HRH4: variants seen among roughly 807,000 people sequenced by gnomAD.
HRH4 encodes histamine H4 receptor.
In HRH4, 12 loss-of-function variants were observed where a neutral mutation model predicts 10.4. The observed-to-expected ratio is 1.15, with a 90% CI of 0.74 to 1.87. The LOEUF is 1.87. HRH4 is among the 40% of genes most tolerant of loss of function. The pLI, the probability that HRH4 is intolerant of heterozygous loss-of-function variation, is 0.00. For missense variants in HRH4, 415 were observed against 453.3 expected (o/e 0.92, Z 0.77); for synonymous variants, 154 against 166.6 (o/e 0.92, Z 0.58).
chr18:24,463,787 A>C (rs1047154543), intron 1 of HRH4, among the ~76,000 whole-genome samples: 1 of 152,236 alleles, frequency 6.6e-6, no homozygotes, highest in Non-Finnish European at 1.5e-5. Flanking sequence ...TTGAGAGCAA[A>C]GATTTATTGA....
intron 1 of HRH4, among the ~76,000 whole-genome samples, chr18:24,463,375 G>A (rs149766921): frequency 1.1e-4 from 17 of 152,260 alleles, no homozygotes; most frequent in Middle Eastern, 3.4e-3. Flanking sequence ...TCATCCAGAG[G>A]TCTGCATATT....
rs545397769 is a variant in HRH4 at position 24,474,667 on chromosome 18, G to C, written c.358-2080G>C. On this transcript the variant is annotated intron_variant, in intron 2 of 2. Coordinates refer to ENST00000256906, the MANE Select transcript of HRH4 (RefSeq NM_021624.4). ...GAAATTAAAGAAACATGGAACATGA[G>C]AGCTGAAAGGAACCTTGGAACCTTA... Among the ~76,000 whole-genome samples the C allele has an allele frequency of 2.0e-5, 3 of 149,574 alleles. No individual in the cohort carries two copies. In the South Asian group the frequency reaches 6.4e-4, roughly 32 times the overall value.
rs542001417 is a variant in HRH4 at position 24,461,232 on chromosome 18, A to G, written c.193+311A>G. The stretch of plus-strand genomic sequence containing the variant: ...TTGTTTCTGGTGCTATTTTCCTCAT[A>G]TGTTTAGGCTTATAAGTATTCCTCT... On this transcript the variant is annotated intron_variant, in intron 1 of 2. Transcript: ENST00000256906. Among the ~76,000 whole-genome samples, 3 of 152,242 alleles carry G rather than the reference A, an allele frequency of 2.0e-5. No homozygotes were observed. The South Asian group carries it at 6.2e-4, about 32-fold the overall frequency.
At chr18:24,475,638 G>GAACA (rs1000704422) in intron 2 of HRH4, among the ~76,000 whole-genome samples, 2 of 152,026 alleles carry the variant, frequency 1.3e-5, no homozygotes, top group African/African-American at 4.8e-5. Flanking sequence ...ACAAACAAAT[G>GAACA]AACAAACAAA....
At chr18:24,463,429 A>G (rs973475575) in intron 1 of HRH4, among the ~76,000 whole-genome samples, 10 of 152,302 alleles carry the variant, frequency 6.6e-5, no homozygotes, top group African/African-American at 2.4e-4. Flanking sequence ...AGCTTTTTGT[A>G]ACAGGATTCA....
chr18:24,476,613 G>A (rs556136067), intron 2 of HRH4, 134 bp from the exon 3 acceptor site: 3 of 676,240 alleles, frequency 4.4e-6, no homozygotes, highest in Non-Finnish European at 7.6e-6. Flanking sequence ...CTCTGTCCTG[G>A]TCCACATCGT....
intron 2 of HRH4, among the ~76,000 whole-genome samples, chr18:24,473,110 G>A (rs1012786884): frequency 2.6e-5 from 4 of 151,794 alleles, no homozygotes; most frequent in Non-Finnish European, 5.9e-5. Flanking sequence ...AGCCAAGATC[G>A]CACCACTGCA....
chr18:24,466,282 T>C (rs976801773), intron 1 of HRH4, among the ~76,000 whole-genome samples: 1 of 84,026 alleles, frequency 1.2e-5, no homozygotes, highest in Non-Finnish European at 2.3e-5. Flanking sequence ...CCAGCTAATT[T>C]TTGTATTTTT....
chr18:24,475,476 T>G (rs994339494), intron 2 of HRH4, among the ~76,000 whole-genome samples: 6 of 151,996 alleles, frequency 3.9e-5, no homozygotes, highest in African/African-American at 1.2e-4. Context: ...ACAAAAAAAT[T>G]TAGCTGGGTG....
chr18:24,463,941 TC>T (rs1452394780), intron 1 of HRH4, among the ~76,000 whole-genome samples: 4 of 152,212 alleles, frequency 2.6e-5, no homozygotes, highest in African/African-American at 9.6e-5. Context: ...GTGGGTACTT[TC>T]TTCTCATCCC....
chr18:24,474,656 A>G (rs1259229490), intron 2 of HRH4, among the ~76,000 whole-genome samples: 3 of 151,558 alleles, frequency 2.0e-5, no homozygotes, highest in Non-Finnish European at 4.4e-5. Context: ...TTAAAGAAAC[A>G]TGGAACATGA....
At chr18:24,471,850 C>G (rs1909977388) in intron 2 of HRH4, among the ~76,000 whole-genome samples, 1 of 151,952 alleles carries the variant, frequency 6.6e-6, no homozygotes, top group Admixed American at 6.6e-5. Flanking sequence ...TCTGGGTTAA[C>G]ATTTCTTTTT....
intron 1 of HRH4, 114 bp from the exon 2 acceptor site, chr18:24,468,674 C>A: frequency 1.0e-6 from 1 of 983,936 alleles, no homozygotes; most frequent in Non-Finnish European, 1.5e-6. Context: ...AAATTAGAGA[C>A]AAATCATTTG....
At chr18:24,473,178 T>C (rs910685892) in intron 2 of HRH4, among the ~76,000 whole-genome samples, 1 of 151,770 alleles carries the variant, frequency 6.6e-6, no homozygotes, top group African/African-American at 2.4e-5. Flanking sequence ...CAAAAAAGTA[T>C]ACAGAATTAA....
In HRH4 at chr18:24,476,794, G is replaced by A; in HGVS notation, c.405G>A (p.Leu135=). Residue 135 remains leucine, a synonymous_variant, in exon 3 of 3, where the codon CTG becomes CTA. Coordinates refer to ENST00000256906, the MANE Select transcript of HRH4 (RefSeq NM_021624.4). ...CTGGGGTCTTGAAGATTGTTACTCT[G>A]ATGGTGGCCGTTTGGGTGCTGGCCT... ...QHTGVLKIVT[L]MVAVWVLAFL... 2 of 1,614,212 alleles carry A rather than the reference G, an allele frequency of 1.2e-6. No individual in the cohort carries two copies. Among genetic ancestry groups the A allele is most frequent in the South Asian group, 2.2e-5 (2 of 91,078 alleles).
At chr18:24,462,136 G>C (rs1490470290) in intron 1 of HRH4, among the ~76,000 whole-genome samples, 1 of 152,202 alleles carries the variant, frequency 6.6e-6, no homozygotes, top group East Asian at 1.9e-4. Flanking sequence ...TTTGCTCCAA[G>C]AATGAGCAAA....
intron 2 of HRH4, among the ~76,000 whole-genome samples, chr18:24,469,597 T>C (rs1373077590): frequency 1.4e-4 from 22 of 152,144 alleles, no homozygotes; most frequent in Non-Finnish European, 1.9e-4. Context: ...AAGGGGGCCA[T>C]AGAAATGTGG....
At chr18:24,476,714 T>G (rs1464382013) in intron 2 of HRH4, 33 bp from the exon 3 acceptor site, 2 of 1,478,390 alleles carry the variant, frequency 1.4e-6, no homozygotes, top group Non-Finnish European at 1.9e-6. Flanking sequence ...ACATACACAT[T>G]CATTATATTG....
chr18:24,471,781 G>A lies in HRH4; in HGVS notation c.357+2830G>A, dbSNP rs142654733. Among the ~76,000 whole-genome samples the A allele has an allele frequency of 7.7e-4, 117 of 152,174 alleles. No individual in the cohort carries two copies. The East Asian group carries it at 0.02, about 27-fold the overall frequency. On this transcript the variant is annotated intron_variant, in intron 2 of 2. Coordinates refer to ENST00000256906, the MANE Select transcript of HRH4 (RefSeq NM_021624.4). ...TACTTTAGATCACAGTCAAGTGTTT[G>A]AAAAATAATGCTCTAATTCAGAATC...
Sources: gnomAD v4.1 joint callset for allele counts (sites outside exome capture counted in the v4.1 genomes callset) on GRCh38, gnomAD v4.1.1 for gene constraint, MANE v1.5 for transcripts, NCBI Gene and HGNC (gene_info 2026-07-23, HGNC 2026-07-21) for gene names.